The following CPLX4 variants were observed in gnomAD, a reference collection of about 807,000 sequenced individuals.
The protein encoded by CPLX4 is complexin 4.
Under a neutral mutation model 16.1 loss-of-function variants are expected in CPLX4, and 17 were observed. The ratio of observed to expected loss-of-function variants is 1.06; its 90% CI spans 0.72 to 1.59. The LOEUF is 1.59. Ranked by LOEUF, CPLX4 falls within the 40% of genes most tolerant of loss-of-function variation. CPLX4 has a pLI of 0.00. For missense variants in CPLX4, 193 were observed against 192.9 expected (o/e 1.00, Z 0.00); for synonymous variants, 55 against 57.8 (o/e 0.95, Z 0.22).
intron 2 of CPLX4, among the ~76,000 whole-genome samples, chr18:59,303,901 T>C (rs1446225180): frequency 1.3e-5 from 2 of 152,192 alleles, no homozygotes; most frequent in African/African-American, 4.8e-5. Context: ...GGGCCTCTGA[T>C]GGCCTTCCCA....
chr18:59,312,755 G>A lies in CPLX4; in HGVS notation c.185C>T (p.Ala62Val), dbSNP rs1233761921. ...CCTTTCTGCCTTTTTCTGTGTAAATGCAGCATCTCTTTCCATCCTAAAAGT... is the reference window on the plus strand; with the variant it reads ...CCTTTCTGCCTTTTTCTGTGTAAATACAGCATCTCTTTCCATCCTAAAAGT... ...MIEEKMERDAAFTQKKAERAC... is the reference protein window; with the variant it reads ...MIEEKMERDAVFTQKKAERAC... The change falls in exon 2 of 3, where the codon GCA (alanine) becomes GTA (valine). Residue 62 changes from alanine to valine, a missense_variant. Ala to Val is a moderately conservative substitution (Grantham distance 64, BLOSUM62 0). Coordinates refer to ENST00000299721, the MANE Select transcript of CPLX4 (RefSeq NM_181654.4). 7.2e-7 allele frequency: 1 copy of A among 1,397,926 alleles called. No homozygotes were observed. Among genetic ancestry groups the A allele is most frequent in the South Asian group, 1.2e-5 (1 of 86,402 alleles). The allele number at this position is 1,397,926 out of a possible 1,614,324, so 86.6% of individuals were successfully genotyped here.
At chr18:59,309,590 G>A (rs1037074561) in intron 2 of CPLX4, among the ~76,000 whole-genome samples, 3 of 152,120 alleles carry the variant, frequency 2.0e-5, no homozygotes, top group Non-Finnish European at 4.4e-5. Flanking sequence ...TAGGGAGGCC[G>A]AGGTGGGCGG....
At chr18:59,310,232 C>G (rs970668141) in intron 2 of CPLX4, among the ~76,000 whole-genome samples, 1 of 152,030 alleles carries the variant, frequency 6.6e-6, no homozygotes. Flanking sequence ...GGTCCCTCCC[C>G]CTAGCTGGCT....
rs775792497 is a variant in CPLX4, at chr18:59,318,374, C to A, written c.89G>T (p.Gly30Val). ...TTGAGCTGCTGCAGGATCAGATGCA[C>A]CTCCTTCTTCTTTATTTTCTTCAGA... ...GGSEENKEEG[G>V]ASDPAAAQGM... Residue 30 changes from glycine to valine, a missense_variant, in exon 1 of 3, where the codon GGT (glycine) becomes GTT (valine). By Grantham distance (109) the Gly-to-Val change is moderately radical. Transcript: ENST00000299721. 2 of 1,613,894 alleles carry A rather than the reference C, an allele frequency of 1.2e-6. No homozygotes were observed. Among genetic ancestry groups the A allele is most frequent in the Non-Finnish European group, 1.7e-6 (2 of 1,179,898 alleles).
intron 1 of CPLX4, among the ~76,000 whole-genome samples, chr18:59,313,784 T>A (rs2070633939): frequency 1.3e-5 from 2 of 152,212 alleles, no homozygotes; most frequent in Non-Finnish European, 2.9e-5. Flanking sequence ...AAAGCAGCCA[T>A]GCCCAGATAG....
chr18:59,300,576 G>A (rs911946198), intron 2 of CPLX4, among the ~76,000 whole-genome samples: 6 of 152,110 alleles, frequency 3.9e-5, no homozygotes, highest in South Asian at 2.1e-4. Context: ...GGGGCACTTC[G>A]TATAGATGGC....
intron 1 of CPLX4, among the ~76,000 whole-genome samples, chr18:59,317,765 C>T (rs1252920453): frequency 2.0e-5 from 3 of 150,306 alleles, no homozygotes; most frequent in Admixed American, 6.6e-5. Context: ...CAAATCCATT[C>T]ATAGTCTTTG....
chr18:59,318,221 C>A, intron 1 of CPLX4, 75 bp downstream of exon 1: 1 of 1,472,356 alleles, frequency 6.8e-7, no homozygotes, highest in Non-Finnish European at 9.0e-7. Context: ...GAGAAATAAA[C>A]TGGAGAACTG....
chr18:59,312,730 CCTTT>C lies in CPLX4; in HGVS notation c.206_209del (p.Glu69GlyfsTer41). ...CTCTGAGATGAACTCTGAGGCATGC[CCTTT>C]CTGCCTTTTTCTGTGTAAATGCAGC... On this transcript the variant is annotated frameshift_variant, in exon 2 of 3. Transcript: ENST00000299721. LOFTEE classifies it high-confidence loss of function. The C allele has an allele frequency of 1.4e-6, 2 of 1,477,998 alleles. No homozygotes were observed. The highest frequency in any genetic ancestry group is 2.3e-5 in the South Asian group (2 of 88,092). 91.6% of individuals were successfully genotyped at this position (1,477,998 alleles called of 1,614,324 possible).
rs187762592 is a variant in CPLX4, at chr18:59,309,651, G to A, written c.255+3034C>T. Among the ~76,000 whole-genome samples, 20 of 151,912 alleles carry A rather than the reference G, an allele frequency of 1.3e-4. No individual in the cohort carries two copies. In the East Asian group the frequency reaches 3.5e-3, roughly 26 times the overall value. On this transcript the variant is annotated intron_variant, in intron 2 of 2. Transcript: ENST00000299721. ...ATCCTGGTTAACACGGTGAAACCCC[G>A]TGTCTACTAAAAATACAAAAAATTA...
At chr18:59,298,995 C>G (rs1322541619) in intron 2 of CPLX4, among the ~76,000 whole-genome samples, 1 of 152,184 alleles carries the variant, frequency 6.6e-6, no homozygotes, top group African/African-American at 2.4e-5. Flanking sequence ...CCTTGGAGAG[C>G]CTGGAGGACA....
intron 2 of CPLX4, among the ~76,000 whole-genome samples, chr18:59,307,562 C>T (rs1036658644): frequency 6.6e-6 from 1 of 152,156 alleles, no homozygotes; most frequent in African/African-American, 2.4e-5. Context: ...CAGTAAGAGC[C>T]AGCACTGGCA....
chr18:59,309,362 G>C (rs1240889383), intron 2 of CPLX4, among the ~76,000 whole-genome samples: 1 of 152,232 alleles, frequency 6.6e-6, no homozygotes, highest in Non-Finnish European at 1.5e-5. Context: ...ATGTTCTCAA[G>C]TGAAATTCTT....
In CPLX4 at chr18:59,296,160, A is replaced by C. The variant is rs2070498914; in HGVS notation, c.*538T>G. On this transcript the variant is annotated 3_prime_UTR_variant, in exon 3 of 3. Coordinates refer to ENST00000299721, the MANE Select transcript of CPLX4 (RefSeq NM_181654.4). ...CATCCAAGGACCAAAGGATCCAAGC[A>C]TACTTGATGAGTATCATTGACAAAT... 1.3e-5 allele frequency: 1 copy of C among 75,850 alleles called. No homozygotes were observed. Among genetic ancestry groups the C allele is most frequent in the South Asian group, 5.2e-4 (1 of 1,926 alleles). The allele number at this position is 75,850 out of a possible 1,614,324, so 4.7% of individuals were successfully genotyped here.
chr18:59,305,131 A>G (rs1184946777), intron 2 of CPLX4, among the ~76,000 whole-genome samples: 1 of 152,130 alleles, frequency 6.6e-6, no homozygotes, highest in African/African-American at 2.4e-5. Flanking sequence ...GGATGACCCA[A>G]TCCAGAACTA....
chr18:59,312,672 C>T lies in CPLX4; in HGVS notation c.255+13G>A. ...TAATTAAGAAATGATTAGATGTTTCCAGAGTGTCTTACCTTTGGGAGCCTG... is the reference window on the plus strand; with the variant it reads ...TAATTAAGAAATGATTAGATGTTTCTAGAGTGTCTTACCTTTGGGAGCCTG... On this transcript the variant is annotated intron_variant, in intron 2 of 2. Transcript: ENST00000299721. 3 of 1,046,538 alleles carry T rather than the reference C, an allele frequency of 2.9e-6. No homozygotes were observed. Among genetic ancestry groups the T allele is most frequent in the Middle Eastern group, 4.0e-4 (2 of 4,954 alleles). 64.8% of individuals were successfully genotyped at this position (1,046,538 alleles called of 1,614,324 possible). A position where few individuals can be genotyped will look rare whatever the true frequency, so the allele number is the denominator to read the frequency against.
rs915125211 is a variant in CPLX4 at position 59,307,434 on chromosome 18, A to T, written c.255+5251T>A. 4.6e-5 allele frequency among the ~76,000 whole-genome samples: 7 copies of T among 152,264 alleles called. No homozygotes were observed. The South Asian group carries it at 1.5e-3, about 32-fold the overall frequency. On this transcript the variant is annotated intron_variant, in intron 2 of 2. Transcript: ENST00000299721. ...TGATGGTTGGCATGTTCCTCAGATGACCTTGGAAGCCAAGCCCCAAAGAGG... is the reference window on the plus strand; with the variant it reads ...TGATGGTTGGCATGTTCCTCAGATGTCCTTGGAAGCCAAGCCCCAAAGAGG...
At chr18:59,309,695 C>T (rs988925116) in intron 2 of CPLX4, among the ~76,000 whole-genome samples, 4 of 151,548 alleles carry the variant, frequency 2.6e-5, no homozygotes, top group South Asian at 2.1e-4. Flanking sequence ...TGGTGGTGGG[C>T]GCCTGTAGTC....
chr18:59,316,597 G>C (rs1484656085), intron 1 of CPLX4, among the ~76,000 whole-genome samples: 2 of 152,058 alleles, frequency 1.3e-5, no homozygotes, highest in East Asian at 3.8e-4. Flanking sequence ...CCATTGTCCT[G>C]ACACTATTTC....
Sources: allele counts gnomAD v4.1 joint callset (sites outside exome capture counted in the v4.1 genomes callset), GRCh38; gene constraint gnomAD v4.1.1; transcripts MANE v1.5; gene names NCBI Gene and HGNC (gene_info 2026-07-23, HGNC 2026-07-21).